Variants in CACNA2D1 observed in about 807,000 individuals in gnomAD.
CACNA2D1 encodes the protein calcium voltage-gated channel auxiliary subunit alpha2delta 1.
In CACNA2D1, 53 loss-of-function variants were observed where a neutral mutation model predicts 171.5. That is an observed-to-expected ratio of 0.31 (90% CI 0.25 to 0.39). The LOEUF is 0.39. Ranked by LOEUF, CACNA2D1 falls within the 10% of genes least tolerant of loss-of-function variation. CACNA2D1 has a pLI of 1.00. For synonymous variants in CACNA2D1, 442 were observed against 443.1 expected (o/e 1.00, Z 0.03); for missense variants, 903 against 1,299.8 (o/e 0.69, Z 4.69).
At chr7:81,954,311 T>A (rs996994884) in intron 38 of CACNA2D1, among the ~76,000 whole-genome samples, 5 of 151,906 alleles carry the variant, frequency 3.3e-5, no homozygotes, top group Non-Finnish European at 7.4e-5. Flanking sequence ...ATATTATATA[T>A]ATATTTATTT....
intron 3 of CACNA2D1, among the ~76,000 whole-genome samples, chr7:82,246,886 C>T (rs1398774266): frequency 1.3e-5 from 2 of 152,132 alleles, no homozygotes; most frequent in Non-Finnish European, 2.9e-5. Flanking sequence ...TCTCTCCCCA[C>T]CATCACCCCA....
intron 1 of CACNA2D1, among the ~76,000 whole-genome samples, chr7:82,376,925 T>C (rs947879004): frequency 6.6e-6 from 1 of 152,260 alleles, no homozygotes; most frequent in African/African-American, 2.4e-5. Flanking sequence ...CACTTGAAGA[T>C]TGTTTTCCAC....
intron 1 of CACNA2D1, among the ~76,000 whole-genome samples, chr7:82,419,706 G>A (rs1181292611): frequency 6.6e-6 from 1 of 152,156 alleles, no homozygotes; most frequent in Non-Finnish European, 1.5e-5. Flanking sequence ...TCACTGATGT[G>A]ACAAAACTTT....
intron 27 of CACNA2D1, among the ~76,000 whole-genome samples, 194 bp downstream of exon 27, chr7:81,970,481 A>C (rs1795155473): frequency 6.6e-6 from 1 of 151,586 alleles, no homozygotes; most frequent in Admixed American, 6.6e-5. Flanking sequence ...CAAAAACATC[A>C]TTGAAGAATT....
intron 3 of CACNA2D1, among the ~76,000 whole-genome samples, chr7:82,309,540 C>A (rs911983969): frequency 1.3e-5 from 2 of 152,190 alleles, no homozygotes; most frequent in African/African-American, 4.8e-5. Flanking sequence ...GGCCATGAAA[C>A]TGCTGCCTCT....
At chr7:82,358,421 TGTTA>T (rs1820703583) in intron 1 of CACNA2D1, among the ~76,000 whole-genome samples, 1 of 152,194 alleles carries the variant, frequency 6.6e-6, no homozygotes, top group Non-Finnish European at 1.5e-5. Flanking sequence ...ATGCCAGAAA[TGTTA>T]GTTAGTTCCT....
intron 5 of CACNA2D1, among the ~76,000 whole-genome samples, chr7:82,126,639 T>C (rs1377202517): frequency 6.6e-6 from 1 of 152,208 alleles, no homozygotes; most frequent in East Asian, 1.9e-4. Context: ...GCTTGAAACT[T>C]GTATTTATCT....
At chr7:82,094,837 G>A (rs146158572) in intron 6 of CACNA2D1, among the ~76,000 whole-genome samples, 1 of 142,044 alleles carries the variant, frequency 7.0e-6, no homozygotes, top group East Asian at 2.0e-4. Context: ...TAATGCCAGT[G>A]TAGCTATCCT....
At chr7:82,304,733 G>A (rs578021038) in intron 3 of CACNA2D1, among the ~76,000 whole-genome samples, 3 of 152,224 alleles carry the variant, frequency 2.0e-5, no homozygotes, top group Admixed American at 6.5e-5. Flanking sequence ...ATAGAGAGGG[G>A]CATAAAGACA....
At chr7:82,251,686 C>T (rs1805663856) in intron 3 of CACNA2D1, among the ~76,000 whole-genome samples, 1 of 152,150 alleles carries the variant, frequency 6.6e-6, no homozygotes, top group East Asian at 1.9e-4. Flanking sequence ...CTGTTCTTTT[C>T]ATTTTCAGAG....
At chr7:82,033,687 A>G (rs1584488941) in intron 11 of CACNA2D1, among the ~76,000 whole-genome samples, 1 of 152,116 alleles carries the variant, frequency 6.6e-6, no homozygotes, top group Admixed American at 6.6e-5. Flanking sequence ...ACTCAAGTCC[A>G]TGGTAAATCT....
rs114257678 is a variant in CACNA2D1, at chr7:82,048,995, G to A, written c.880-10760C>T. 8.9e-3 allele frequency among the ~76,000 whole-genome samples: 1,351 copies of A among 151,168 alleles called. 23 individuals carry two copies. Among genetic ancestry groups the A allele is most frequent in the African/African-American group, 0.023 (953 of 41,306 alleles). On this transcript the variant is annotated intron_variant, in intron 10 of 38. Coordinates refer to ENST00000356860, the MANE Select transcript of CACNA2D1 (RefSeq NM_000722.4). ...GCTGTTTCCTTTTTACATATACGAC[G>A]AATTTCTAAGTGCCAAAAACTTAGT...
intron 38 of CACNA2D1, among the ~76,000 whole-genome samples, chr7:81,954,638 C>T (rs1793006563): frequency 6.6e-6 from 1 of 152,068 alleles, no homozygotes; most frequent in Admixed American, 6.6e-5. Flanking sequence ...TTTAGAAGTA[C>T]ATGTTTCAAA....
chr7:82,441,638 G>T (rs1830510675), intron 1 of CACNA2D1, among the ~76,000 whole-genome samples: 1 of 152,074 alleles, frequency 6.6e-6, no homozygotes, highest in African/African-American at 2.4e-5. Flanking sequence ...AGTATGTTGA[G>T]GAATAAAAGG....
intron 3 of CACNA2D1, among the ~76,000 whole-genome samples, chr7:82,309,746 A>C (rs1814194722): frequency 6.6e-6 from 1 of 151,882 alleles, no homozygotes; most frequent in Admixed American, 6.5e-5. Context: ...GTGGCCCACC[A>C]ACTGCCATGT....
chr7:82,322,142 A>C (rs1211831908), intron 3 of CACNA2D1, among the ~76,000 whole-genome samples: 1 of 149,340 alleles, frequency 6.7e-6, no homozygotes, highest in East Asian at 1.9e-4. Context: ...AAAAAAAAAA[A>C]AAAAAAAAAA....
intron 3 of CACNA2D1, among the ~76,000 whole-genome samples, chr7:82,177,123 G>A: frequency 6.7e-6 from 1 of 149,232 alleles, no homozygotes; most frequent in East Asian, 2.0e-4. Context: ...GGGTATTGGG[G>A]AAGCTGAAAA....
At chr7:82,265,658 C>T (rs1414016749) in intron 3 of CACNA2D1, among the ~76,000 whole-genome samples, 1 of 151,852 alleles carries the variant, frequency 6.6e-6, no homozygotes, top group Non-Finnish European at 1.5e-5. Context: ...GAAAATCTAT[C>T]GGACTTTATA....
intron 6 of CACNA2D1, among the ~76,000 whole-genome samples, chr7:82,092,546 T>G (rs1319460353): frequency 3.0e-3 from 196 of 64,442 alleles, no homozygotes; most frequent in African/African-American, 6.0e-3. Flanking sequence ...CTAACTTTTT[T>G]TTTTTTTTTT....
Sources: gnomAD v4.1 joint callset for allele counts (sites outside exome capture counted in the v4.1 genomes callset) on GRCh38, gnomAD v4.1.1 for gene constraint, MANE v1.5 for transcripts, NCBI Gene and HGNC (gene_info 2026-07-23, HGNC 2026-07-21) for gene names.